Variants in ABCA12 observed in about 807,000 individuals in gnomAD.
The protein encoded by ABCA12 is glucosylceramide transporter ABCA12.
In ABCA12, 156 loss-of-function variants were observed where a neutral mutation model predicts 293.5. That is an observed-to-expected ratio of 0.53 (90% CI 0.47 to 0.61). The LOEUF (loss-of-function observed/expected upper bound fraction) is 0.61. Among genes scored for constraint, ABCA12 ranks in the 20% least tolerant of loss-of-function variants. The probability of loss-of-function intolerance (pLI) is 0.00; values close to 1 mark genes in which losing one functional copy is unlikely to be tolerated. For synonymous variants in ABCA12, 1,063 were observed against 1,108.0 expected (o/e 0.96, Z 0.81); for missense variants, 2,797 against 3,090.2 (o/e 0.91, Z 2.25).
intron 2 of ABCA12, among the ~76,000 whole-genome samples, chr2:215,094,368 G>A (rs145616149): frequency 0.029 from 4,376 of 152,236 alleles, 134 homozygotes; most frequent in African/African-American, 0.073. Flanking sequence ...AGCAGCTAGC[G>A]TTCCAACTTC....
intron 41 of ABCA12, 122 bp downstream of exon 41, chr2:214,958,155 A>G (rs1239200663): frequency 1.5e-6 from 2 of 1,345,892 alleles, no homozygotes; most frequent in Admixed American, 3.5e-5. Context: ...CATTTTCTTT[A>G]TTTCCTGTCT....
rs188038639 is a variant in ABCA12, at chr2:214,957,882, C to T, written c.6117+395G>A. ...TAAGCTTGATTGTTTGGCACAATTACGTAAGGATATTTTGCTGCTAAGCTT... is the reference window on the plus strand; with the variant it reads ...TAAGCTTGATTGTTTGGCACAATTATGTAAGGATATTTTGCTGCTAAGCTT... On this transcript the variant is annotated intron_variant, in intron 41 of 52. Transcript: ENST00000272895. 3.9e-5 allele frequency among the ~76,000 whole-genome samples: 6 copies of T among 152,286 alleles called. No individual in the cohort carries two copies. The East Asian group carries it at 5.8e-4, about 15-fold the overall frequency.
intron 30 of ABCA12, among the ~76,000 whole-genome samples, chr2:214,981,682 T>C (rs528792892): frequency 4.0e-5 from 6 of 151,570 alleles, no homozygotes; most frequent in Non-Finnish European, 8.8e-5. Flanking sequence ...TCGATAAATA[T>C]GTACAAGCAT....
intron 9 of ABCA12, chr2:215,028,964 G>C (rs1700811435): frequency 6.6e-6 from 1 of 152,160 alleles, no homozygotes; most frequent in Non-Finnish European, 1.5e-5. Flanking sequence ...CTAAAGATAA[G>C]CTGGAAGATG....
At chr2:215,088,749 C>A (rs777809005) in intron 2 of ABCA12, among the ~76,000 whole-genome samples, 4 of 152,074 alleles carry the variant, frequency 2.6e-5, no homozygotes, top group Non-Finnish European at 5.9e-5. Flanking sequence ...GAAATGAGAA[C>A]GGAGACACCT....
chr2:214,946,975 T>C (rs774452277), intron 48 of ABCA12, among the ~76,000 whole-genome samples: 6 of 152,100 alleles, frequency 3.9e-5, no homozygotes, highest in Non-Finnish European at 7.4e-5. Context: ...AAATAAAATT[T>C]TAGCACAACA....
chr2:214,950,009 T>A (rs1698704862), intron 45 of ABCA12, among the ~76,000 whole-genome samples: 1 of 152,286 alleles, frequency 6.6e-6, no homozygotes, highest in Non-Finnish European at 1.5e-5. Context: ...AACCTTTGGA[T>A]CCAAAGGTTT....
At chr2:215,054,515 T>G (rs1701382180) in intron 4 of ABCA12, 58 bp downstream of exon 4, 1 of 1,375,696 alleles carries the variant, frequency 7.3e-7, no homozygotes, top group African/African-American at 1.4e-5. Flanking sequence ...CTTTCAAAGA[T>G]TAGACCTTTA....
At chr2:215,011,345 A>T in intron 17 of ABCA12, 94 bp downstream of exon 17, 1 of 940,614 alleles carries the variant, frequency 1.1e-6, no homozygotes, top group Non-Finnish European at 1.7e-6. Context: ...GGGGAAAATT[A>T]ATACTTCATT....
chr2:215,131,702 G>GTTTTTTT (rs35844951), intron 1 of ABCA12, among the ~76,000 whole-genome samples: 1 of 80,180 alleles, frequency 1.2e-5, no homozygotes, highest in Non-Finnish European at 2.7e-5. Flanking sequence ...CCTTTCTATT[G>GTTTTTTT]TTTTTTTTTT....
chr2:215,007,632 G>C, intron 19 of ABCA12, 95 bp downstream of exon 19: 1 of 1,490,378 alleles, frequency 6.7e-7, no homozygotes, highest in Non-Finnish European at 9.3e-7. Flanking sequence ...TGTTGAATAC[G>C]GAAAGTTACC....
intron 7 of ABCA12, among the ~76,000 whole-genome samples, chr2:215,043,576 TTG>T (rs1559163424): frequency 1.7e-5 from 2 of 117,646 alleles, no homozygotes; most frequent in African/African-American, 1.7e-4. Context: ...GGAATTTTTG[TTG>T]TTGTTGTTGT....
rs369801502 is a variant in ABCA12 at position 214,978,356 on chromosome 2, G to T, written c.5088C>A (p.Asp1696Glu). ...AATTGCTGCTGCTCACAGATAAATC[G>T]TCAGGAGTTGAGATGCCATTGGCAT... is the stretch of plus-strand genomic sequence containing the variant. ...NSNANGISTP[D>E]DLSVSSSNFT... The change falls in exon 33 of 53, where the codon GAC (aspartate) becomes GAA (glutamate). Residue 1696 changes from aspartate (D) to glutamate (E), a missense_variant. Asp to Glu is a conservative substitution (Grantham distance 45). Coordinates refer to ENST00000272895, the MANE Select transcript of ABCA12 (RefSeq NM_173076.3). The T allele has an allele frequency of 1.9e-6, 3 of 1,613,980 alleles. No individual in the cohort carries two copies. The highest frequency in any genetic ancestry group is 2.5e-6 in the Non-Finnish European group (3 of 1,179,962).
intron 3 of ABCA12, among the ~76,000 whole-genome samples, chr2:215,055,787 G>T (rs1701408565): frequency 6.6e-6 from 1 of 151,942 alleles, no homozygotes; most frequent in Admixed American, 6.6e-5. Context: ...TGCTCCAAAA[G>T]TTCTGCATTC....
intron 51 of ABCA12, among the ~76,000 whole-genome samples, chr2:214,936,243 G>A (rs1351354940): frequency 6.6e-6 from 1 of 152,186 alleles, no homozygotes; most frequent in East Asian, 1.9e-4. Context: ...TTTATGTTGT[G>A]TAAGCTACCT....
chr2:215,006,765 A>G (rs886210574), intron 19 of ABCA12, among the ~76,000 whole-genome samples: 3 of 151,478 alleles, frequency 2.0e-5, no homozygotes, highest in African/African-American at 7.3e-5. Flanking sequence ...CTTTTCTCCA[A>G]CTGATTACTG....
chr2:214,994,656 G>GC (rs1553528355), intron 23 of ABCA12, among the ~76,000 whole-genome samples: 1 of 151,670 alleles, frequency 6.6e-6, no homozygotes, highest in Non-Finnish European at 1.5e-5. Flanking sequence ...TTATATTATT[G>GC]TTTTTTTTAG....
chr2:214,953,899 A>G lies in ABCA12; in HGVS notation c.6602T>C (p.Phe2201Ser). The G allele has an allele frequency of 6.2e-7, 1 of 1,614,034 alleles. No homozygotes were observed. Among genetic ancestry groups the G allele is most frequent in the South Asian group, 1.1e-5 (1 of 91,078 alleles). Residue 2201 changes from phenylalanine (F) to serine (S), a missense_variant, in exon 44 of 53, where the codon TTT becomes TCT. Physicochemically the swap from Phe to Ser is radical, Grantham distance 155 (BLOSUM62 -2). Around this residue, in one of 3 missense-constraint regions of ABCA12, gnomAD observed 2,130 missense variants for 2,427.0 expected, o/e 0.88. Coordinates refer to ENST00000272895, the MANE Select transcript of ABCA12 (RefSeq NM_173076.3). ...VALVSQGTMF[F>S]SLRLLINESL... ...TTCGTTGATTAAGAGTCGCAAGGAA[A>G]AAAACATGGTGCCCTGAGAAACCAA...
intron 52 of ABCA12, among the ~76,000 whole-genome samples, chr2:214,933,056 A>G (rs1337115332): frequency 6.6e-6 from 1 of 152,078 alleles, no homozygotes; most frequent in Non-Finnish European, 1.5e-5. Context: ...CATTCATATG[A>G]CCTACATCAA....
Sources: allele counts gnomAD v4.1 joint callset (sites outside exome capture counted in the v4.1 genomes callset), GRCh38; gene constraint gnomAD v4.1.1; regional missense constraint gnomAD v4.1.1; transcripts MANE v1.5; gene names NCBI Gene and HGNC (gene_info 2026-07-23, HGNC 2026-07-21).